The following ARHGAP6 variants were observed in gnomAD, a reference collection of about 807,000 sequenced individuals.
ARHGAP6 encodes rho GTPase-activating protein 6.
A neutral mutation model predicts 55.7 loss-of-function variants in ARHGAP6; 16 were observed. The observed-to-expected ratio is 0.29, with a 90% CI of 0.19 to 0.44. ARHGAP6 has a LOEUF of 0.44. Among genes scored for constraint, ARHGAP6 ranks in the 20% least tolerant of loss-of-function variants. The pLI is 1.00. For synonymous variants in ARHGAP6, 382 were observed against 360.9 expected (o/e 1.06, Z -0.66); for missense variants, 698 against 808.9 (o/e 0.86, Z 1.66).
intron 1 of ARHGAP6, among the ~76,000 whole-genome samples, chrX:11,578,564 G>A (rs374110990): frequency 2.7e-5 from 3 of 111,659 alleles, no homozygotes; most frequent in South Asian, 3.8e-4. Context: ...AAATAGGAAC[G>A]CTTTTACACT....
intron 1 of ARHGAP6, among the ~76,000 whole-genome samples, chrX:11,447,526 C>T (rs986006486): frequency 1.8e-5 from 2 of 112,034 alleles, no homozygotes; most frequent in African/African-American, 3.2e-5. Flanking sequence ...TGTATGTTTG[C>T]TTTAAGGTTA....
intron 1 of ARHGAP6, among the ~76,000 whole-genome samples, chrX:11,504,213 G>A (rs921591653): frequency 8.9e-6 from 1 of 111,846 alleles, no homozygotes; most frequent in African/African-American, 3.3e-5. Flanking sequence ...ACTTTTATTT[G>A]TAATTACTTT....
At chrX:11,277,314 T>C (rs1479384898) in intron 1 of ARHGAP6, among the ~76,000 whole-genome samples, 1 of 111,548 alleles carries the variant, frequency 9.0e-6, no homozygotes, top group Non-Finnish European at 1.9e-5. Flanking sequence ...ACATTTTGAC[T>C]GGTATGAATA....
At chrX:11,297,867 T>G (rs2048112057) in intron 1 of ARHGAP6, among the ~76,000 whole-genome samples, 1 of 112,502 alleles carries the variant, frequency 8.9e-6, no homozygotes, top group Non-Finnish European at 1.9e-5. Flanking sequence ...TGTGTTTGTT[T>G]TGCTCTTACA....
intron 1 of ARHGAP6, among the ~76,000 whole-genome samples, chrX:11,305,336 T>C (rs758752552): frequency 8.9e-6 from 1 of 112,148 alleles, no homozygotes; most frequent in Non-Finnish European, 1.9e-5. Flanking sequence ...AATATATCCA[T>C]GTAAGAAAGC....
At chrX:11,173,005 A>T (rs1008993635) in intron 8 of ARHGAP6, among the ~76,000 whole-genome samples, 2 of 111,840 alleles carry the variant, frequency 1.8e-5, no homozygotes, top group African/African-American at 6.5e-5. Flanking sequence ...GGCCATTTCA[A>T]TTCTTTCTCA....
At chrX:11,579,182 TATAATA>T (rs1376295109) in intron 1 of ARHGAP6, among the ~76,000 whole-genome samples, 1 of 111,183 alleles carries the variant, frequency 9.0e-6, no homozygotes, top group Non-Finnish European at 1.9e-5. Flanking sequence ...GAACTAAAAG[TATAATA>T]ATAATAATTT....
chrX:11,493,450 T>A (rs1236608720), intron 1 of ARHGAP6, among the ~76,000 whole-genome samples: 2 of 111,807 alleles, frequency 1.8e-5, no homozygotes, highest in East Asian at 5.7e-4. Flanking sequence ...CGCAGAGCAA[T>A]AGGACAATGA....
intron 1 of ARHGAP6, among the ~76,000 whole-genome samples, chrX:11,275,399 G>A (rs1332970722): frequency 9.0e-6 from 1 of 111,630 alleles, no homozygotes; most frequent in South Asian, 3.7e-4. Context: ...ATCAGTATGG[G>A]TTCCCTGCAG....
chrX:11,558,842 A>C (rs1032323848), intron 1 of ARHGAP6, among the ~76,000 whole-genome samples: 3 of 54,087 alleles, frequency 5.5e-5, no homozygotes, highest in African/African-American at 2.7e-4. Flanking sequence ...ATCTCAAAAA[A>C]AAAAAAAAAA....
chrX:11,277,347 A>G (rs753151517), intron 1 of ARHGAP6, among the ~76,000 whole-genome samples: 51 of 110,604 alleles, frequency 4.6e-4, no homozygotes, highest in Non-Finnish European at 8.9e-4. Context: ...ATATTCATAC[A>G]CACTTTGTGT....
intron 1 of ARHGAP6, among the ~76,000 whole-genome samples, chrX:11,582,666 G>A (rs1161054302): frequency 9.0e-6 from 1 of 111,593 alleles, no homozygotes; most frequent in African/African-American, 3.3e-5. Context: ...AAAACTCCTG[G>A]CAAATTGATC....
At chrX:11,188,282 A>G (rs1421029645) in intron 4 of ARHGAP6, among the ~76,000 whole-genome samples, 1 of 112,044 alleles carries the variant, frequency 8.9e-6, no homozygotes, top group East Asian at 2.8e-4. Context: ...GAAATGCTCC[A>G]TTGATAAAGA....
chrX:11,464,114 T>C (rs1239688018), intron 1 of ARHGAP6, among the ~76,000 whole-genome samples: 1 of 112,229 alleles, frequency 8.9e-6, no homozygotes. Flanking sequence ...CATCTACACA[T>C]TGTTTACATG....
intron 1 of ARHGAP6, among the ~76,000 whole-genome samples, chrX:11,625,311 A>G (rs114894306): frequency 1.4e-3 from 116 of 81,432 alleles, no homozygotes; most frequent in South Asian, 2.7e-3. Flanking sequence ...GTGTGTGTGT[A>G]TATGTATATA....
chrX:11,454,979 G>A (rs149233097), intron 1 of ARHGAP6, among the ~76,000 whole-genome samples: 109 of 111,170 alleles, frequency 9.8e-4, no homozygotes, highest in African/African-American at 3.5e-3. Context: ...CACAACTTGG[G>A]GAGATGCCAG....
chrX:11,156,838 A>G (rs1260118938), intron 9 of ARHGAP6, among the ~76,000 whole-genome samples: 1 of 112,631 alleles, frequency 8.9e-6, no homozygotes, highest in Non-Finnish European at 1.9e-5. Context: ...TATTCAATCC[A>G]AAATGTCACC....
At chrX:11,574,824 AC>A (rs1327171940) in intron 1 of ARHGAP6, among the ~76,000 whole-genome samples, 1 of 109,535 alleles carries the variant, frequency 9.1e-6, no homozygotes, top group Admixed American at 9.8e-5. Flanking sequence ...CATCTAGAAA[AC>A]CCCATTGTCT....
chrX:11,143,507 A>G (rs2045647349), intron 11 of ARHGAP6: 1 of 782,806 alleles, frequency 1.3e-6, no homozygotes, highest in African/African-American at 2.2e-5. Flanking sequence ...GACTCCCAGT[A>G]TAGTGCTCTC....
Sources: allele counts gnomAD v4.1 joint callset (sites outside exome capture counted in the v4.1 genomes callset), GRCh38; gene constraint gnomAD v4.1.1; transcripts MANE v1.5; gene names NCBI Gene and HGNC (gene_info 2026-07-23, HGNC 2026-07-21).